The following PLK4 variants were observed in gnomAD, a reference collection of about 807,000 sequenced individuals.
PLK4 encodes serine/threonine-protein kinase PLK4.
Under a neutral mutation model 103.0 loss-of-function variants are expected in PLK4, and 51 were observed. That is an observed-to-expected ratio of 0.50 (90% CI 0.40 to 0.63). PLK4 has a LOEUF of 0.63. Among genes scored for constraint, PLK4 ranks in the 20% least tolerant of loss-of-function variants. The probability of loss-of-function intolerance (pLI) is 0.00; values close to 1 mark genes in which losing one functional copy is unlikely to be tolerated. For synonymous variants in PLK4, 389 were observed against 376.8 expected (o/e 1.03, Z -0.38); for missense variants, 1,054 against 1,151.0 (o/e 0.92, Z 1.22).
rs1296373237 is a variant in PLK4 at position 127,880,957 on chromosome 4, C to A, written c.-178C>A. 2 of 652,840 alleles carry A rather than the reference C, an allele frequency of 3.1e-6. No individual in the cohort carries two copies. Among genetic ancestry groups the A allele is most frequent in the South Asian group, 1.9e-5 (1 of 52,588 alleles). The allele number at this position is 652,840 out of a possible 1,614,324, so 40.4% of individuals were successfully genotyped here. A position where few individuals can be genotyped will look rare whatever the true frequency, so the allele number is the denominator to read the frequency against. On this transcript the variant is annotated 5_prime_UTR_variant, in exon 1 of 16. Transcript: ENST00000270861. ...TCAAAATGGGAGCCCAGAGGCACCGCCCAGGCCTCGGAAGGTGTCAGGGAG... is the reference window on the plus strand; with the variant it reads ...TCAAAATGGGAGCCCAGAGGCACCGACCAGGCCTCGGAAGGTGTCAGGGAG...
At chr4:127,891,702 A>G (rs765009912) in intron 9 of PLK4, 21 bp downstream of exon 9, 1 of 921,342 alleles carries the variant, frequency 1.1e-6, no homozygotes, top group Admixed American at 2.4e-5. Flanking sequence ...TTACCAGGGA[A>G]TAAATTTTGA....
intron 6 of PLK4, among the ~76,000 whole-genome samples, 159 bp from the exon 7 acceptor site, chr4:127,889,707 C>T (rs1735274809): frequency 6.6e-6 from 1 of 152,176 alleles, no homozygotes; most frequent in African/African-American, 2.4e-5. Flanking sequence ...ATGTCTTAAA[C>T]TGCTTATTTG....
chr4:127,894,489 A>G (rs1735489118), intron 13 of PLK4, among the ~76,000 whole-genome samples: 1 of 152,004 alleles, frequency 6.6e-6, no homozygotes, highest in Non-Finnish European at 1.5e-5. Context: ...CGGCCTCCCA[A>G]AGTGCTGGGA....
At chr4:127,893,163 A>G in intron 10 of PLK4, 122 bp from the exon 11 acceptor site, 2 of 534,024 alleles carry the variant, frequency 3.7e-6, no homozygotes, top group East Asian at 6.5e-5. Context: ...TTAATAGTCA[A>G]TAAATGAATA....
At chr4:127,897,296 A>G (rs1735606325) in intron 15 of PLK4, among the ~76,000 whole-genome samples, 3 of 152,226 alleles carry the variant, frequency 2.0e-5, no homozygotes, top group South Asian at 4.1e-4. Context: ...TTCCCAAATG[A>G]AAGGCTATAT....
intron 2 of PLK4, among the ~76,000 whole-genome samples, chr4:127,882,132 A>G (rs990796636): frequency 2.6e-5 from 4 of 152,354 alleles, no homozygotes; most frequent in Admixed American, 2.0e-4. Context: ...AGTAAGTTTT[A>G]TCTTCATTAA....
At position 127,886,793 on chromosome 4, in the gene PLK4, C is replaced by G. The variant is rs114505904; in HGVS notation, c.1358+65C>G. The stretch of plus-strand genomic sequence containing the variant: ...ACATTATACTAGTATAAATATGAAG[C>G]TGCATGTAAGCGGGGGGATACCAGG... On this transcript the variant is annotated intron_variant, in intron 5 of 15. Coordinates refer to ENST00000270861, the MANE Select transcript of PLK4 (RefSeq NM_014264.5). 2,064 of 962,838 alleles carry G rather than the reference C, an allele frequency of 2.1e-3. 35 individuals are homozygous for G. The African/African-American group carries it at 0.03, about 14-fold the overall frequency. The allele number at this position is 962,838 out of a possible 1,614,324, so 59.6% of individuals were successfully genotyped here. A position where few individuals can be genotyped will look rare whatever the true frequency, so the allele number is the denominator to read the frequency against.
intron 15 of PLK4, among the ~76,000 whole-genome samples, chr4:127,897,824 C>CTTTTTTGTTTTTTTT (rs1735627531): frequency 3.5e-5 from 1 of 28,802 alleles, no homozygotes; most frequent in South Asian, 2.2e-3. Context: ...AGAATTAGGG[C>CTTTTTTGTTTTTTTT]TTTTTTTTTT....
Position 127,889,934 on chromosome 4 carries a change from T to G in PLK4, c.1528T>G (p.Leu510Val), listed in dbSNP as rs1165100601. The G allele has an allele frequency of 1.9e-6, 3 of 1,613,768 alleles. No homozygotes were observed. The highest frequency in any genetic ancestry group is 1.7e-5 in the Admixed American group (1 of 59,966). Reference protein sequence around the residue: ...PNRDFQGHPDLQKDTSKNAWT... With the variant: ...PNRDFQGHPDVQKDTSKNAWT... ...CCGGGACTTCCAGGGCCATCCAGAT[T>G]TGCAGAAGGACACATCAAAAAATGC... The change falls in exon 7 of 16, where the codon TTG becomes GTG. Residue 510 changes from leucine (L) to valine (V), a missense_variant. Leu to Val is a conservative substitution (Grantham distance 32, BLOSUM62 1). Around this residue, in one of 4 missense-constraint regions of PLK4, gnomAD observed 680 missense variants for 660.3 expected, o/e 1.03. Coordinates refer to ENST00000270861, the MANE Select transcript of PLK4 (RefSeq NM_014264.5).
chr4:127,896,763 T>TC (rs1735580416), intron 14 of PLK4, 38 bp from the exon 15 acceptor site: 1 of 1,220,684 alleles, frequency 8.2e-7, no homozygotes, highest in South Asian at 1.3e-5. Flanking sequence ...TTTTTTTTTT[T>TC]CTGTGCCTGT....
At chr4:127,885,013 T>TA (rs1735065181) in intron 4 of PLK4, among the ~76,000 whole-genome samples, 2 of 152,308 alleles carry the variant, frequency 1.3e-5, no homozygotes, top group Admixed American at 6.5e-5. Context: ...TTTCTTTTTT[T>TA]TAACAATTAG....
At chr4:127,894,467 A>G (rs1735487284) in intron 13 of PLK4, among the ~76,000 whole-genome samples, 1 of 152,036 alleles carries the variant, frequency 6.6e-6, no homozygotes, top group South Asian at 2.1e-4. Context: ...TGAACTTGTG[A>G]TCCACCTGCC....
chr4:127,895,448 C>CTTTTT (rs1450219933), intron 14 of PLK4, among the ~76,000 whole-genome samples: 4 of 75,282 alleles, frequency 5.3e-5, no homozygotes, highest in African/African-American at 1.8e-4. Flanking sequence ...AGTAGAGTAA[C>CTTTTT]TTTCTTTTTT....
Position 127,880,955 on chromosome 4 carries a change from C to G in PLK4, c.-180C>G. The G allele has an allele frequency of 1.6e-6, 1 of 640,772 alleles. No homozygotes were observed. Among genetic ancestry groups the G allele is most frequent in the South Asian group, 1.9e-5 (1 of 51,530 alleles). The allele number at this position is 640,772 out of a possible 1,614,324, so 39.7% of individuals were successfully genotyped here. On this transcript the variant is annotated 5_prime_UTR_variant, in exon 1 of 16. Coordinates refer to ENST00000270861, the MANE Select transcript of PLK4 (RefSeq NM_014264.5). ...TTTCAAAATGGGAGCCCAGAGGCAC[C>G]GCCCAGGCCTCGGAAGGTGTCAGGG...
At chr4:127,888,993 G>T (rs1735250129) in intron 6 of PLK4, among the ~76,000 whole-genome samples, 1 of 152,016 alleles carries the variant, frequency 6.6e-6, no homozygotes, top group African/African-American at 2.4e-5. Context: ...ACTTAATTTT[G>T]CACATCTGTT....
intron 12 of PLK4, 27 bp from the exon 13 acceptor site, chr4:127,893,707 G>C (rs1171281272): frequency 1.2e-6 from 2 of 1,600,066 alleles, no homozygotes; most frequent in African/African-American, 2.7e-5. Context: ...AGCTTCAAGG[G>C]AATATATTTG....
chr4:127,894,958 T>A lies in PLK4; in HGVS notation c.2568T>A (p.Val856=). 6.3e-7 allele frequency: 1 copy of A among 1,585,104 alleles called. No individual in the cohort carries two copies. The highest frequency in any genetic ancestry group is 8.6e-7 in the Non-Finnish European group (1 of 1,164,088). ...TQAPILNPSM[V]TNEGLGLTTT... is the part of the protein sequence containing the mutation. ...CTGTCCTTTATTCTTTGTAGATGGTTACAAATGAAGGACTTGGTCTTACAA... is the reference window on the plus strand; with the variant it reads ...CTGTCCTTTATTCTTTGTAGATGGTAACAAATGAAGGACTTGGTCTTACAA... The change falls in exon 14 of 16, where the codon GTT becomes GTA. Residue 856 remains valine (V), a synonymous_variant. Transcript: ENST00000270861.
At position 127,888,938 on chromosome 4, in the gene PLK4, AGAT is replaced by A. The variant is rs1735247907; in HGVS notation, c.1460-924_1460-922del. 3.3e-5 allele frequency among the ~76,000 whole-genome samples: 5 copies of A among 152,152 alleles called. No homozygotes were observed. In the South Asian group the frequency reaches 1.0e-3, roughly 32 times the overall value. On this transcript the variant is annotated intron_variant, in intron 6 of 15. Transcript: ENST00000270861. ...TAATCTTTTTATTTATAGTAATTAG[AGAT>A]GATAATTCAGGTTTGTTTTTTAAAC...
chr4:127,891,724 T>G (rs372914191), intron 9 of PLK4, 43 bp downstream of exon 9: 12 of 728,764 alleles, frequency 1.6e-5, no homozygotes, highest in Admixed American at 2.5e-5. Flanking sequence ...AGTAGATTTA[T>G]ATGTATATAC....
Sources: gnomAD v4.1 joint callset for allele counts (sites outside exome capture counted in the v4.1 genomes callset) on GRCh38, gnomAD v4.1.1 for gene constraint, gnomAD v4.1.1 regional missense constraint, MANE v1.5 for transcripts, NCBI Gene and HGNC (gene_info 2026-07-23, HGNC 2026-07-21) for gene names.